The following FOCAD variants were observed in gnomAD, a reference collection of about 807,000 sequenced individuals.
FOCAD encodes the protein KIAA1797.
In FOCAD, 198 loss-of-function variants were observed where a neutral mutation model predicts 225.6. The ratio of observed to expected loss-of-function variants is 0.88; its 90% CI spans 0.78 to 0.99. FOCAD has a LOEUF of 0.99. Among genes scored for constraint, FOCAD ranks in the 50% least tolerant of loss-of-function variants. The pLI, the probability that FOCAD is intolerant of heterozygous loss-of-function variation, is 0.00. For missense variants in FOCAD, 2,713 were observed against 2,123.6 expected (o/e 1.28, Z -5.46); for synonymous variants, 897 against 755.0 (o/e 1.19, Z -3.08).
At chr9:20,697,149 A>G (rs1563885683) in intron 1 of FOCAD, among the ~76,000 whole-genome samples, 1 of 152,236 alleles carries the variant, frequency 6.6e-6, no homozygotes, top group Non-Finnish European at 1.5e-5. Flanking sequence ...CTGGAAAAAA[A>G]TAAACATGTC....
intron 5 of FOCAD, among the ~76,000 whole-genome samples, chr9:20,744,438 T>C (rs2131690287): frequency 6.6e-6 from 1 of 152,318 alleles, no homozygotes; most frequent in South Asian, 2.1e-4. Context: ...TAAACAAGAT[T>C]AGGCATAGAT....
chr9:20,833,605 G>A (rs1050980211), intron 15 of FOCAD, among the ~76,000 whole-genome samples: 6 of 151,962 alleles, frequency 3.9e-5, no homozygotes, highest in Non-Finnish European at 8.8e-5. Context: ...ACTTCTCTAG[G>A]CTTATAGATT....
chr9:20,771,182 G>A (rs975416412), intron 8 of FOCAD, among the ~76,000 whole-genome samples: 1 of 152,138 alleles, frequency 6.6e-6, no homozygotes, highest in Non-Finnish European at 1.5e-5. Context: ...GTCAGGCTTG[G>A]CTTATTCAAA....
chr9:20,982,151 CCAAAA>C (rs986178140), intron 38 of FOCAD, among the ~76,000 whole-genome samples: 2 of 151,722 alleles, frequency 1.3e-5, no homozygotes, highest in African/African-American at 2.4e-5. Flanking sequence ...AAATGTATAG[CCAAAA>C]CAAAACAAAA....
intron 17 of FOCAD, among the ~76,000 whole-genome samples, chr9:20,866,247 A>T (rs888587655): frequency 2.7e-5 from 4 of 146,298 alleles, no homozygotes; most frequent in Non-Finnish European, 6.2e-5. Flanking sequence ...ATATTTTTAT[A>T]TGGTCTTTCC....
chr9:20,714,182 A>G (rs1188933213), intron 1 of FOCAD, among the ~76,000 whole-genome samples: 1 of 152,160 alleles, frequency 6.6e-6, no homozygotes, highest in Non-Finnish European at 1.5e-5. Flanking sequence ...TATACTTTAA[A>G]CCGGTTGAAA....
chr9:20,946,626 A>C lies in FOCAD; in HGVS notation c.3556-75A>C, dbSNP rs1488342088. On this transcript the variant is annotated intron_variant, in intron 29 of 43. Coordinates refer to ENST00000338382, the MANE Select transcript of FOCAD (RefSeq NM_001375567.1). ...TTACTCTGGGGGGGAGTTTGACAGA[A>C]TATCTTGTCAACTAAACCGAGTTCT... 3 of 1,510,014 alleles carry C rather than the reference A, an allele frequency of 2.0e-6. No homozygotes were observed. The African/African-American group carries it at 4.2e-5, about 21-fold the overall frequency. The allele number at this position is 1,510,014 out of a possible 1,614,324, so 93.5% of individuals were successfully genotyped here.
At chr9:20,887,340 T>A (rs1292610874) in intron 21 of FOCAD, among the ~76,000 whole-genome samples, 1 of 152,100 alleles carries the variant, frequency 6.6e-6, no homozygotes, top group Non-Finnish European at 1.5e-5. Context: ...GTTCAAGGGA[T>A]TCTCCTGCCT....
chr9:20,981,814 C>A, intron 38 of FOCAD, 128 bp downstream of exon 38: 1 of 1,004,502 alleles, frequency 1.0e-6, no homozygotes, highest in Non-Finnish European at 1.5e-6. Flanking sequence ...TAACCACATT[C>A]TTTACTAGGA....
rs144256515 is a variant in FOCAD at position 20,876,667 on chromosome 9, G to A, written c.2317+1860G>A. ...GCTATGTTGGCAAACTGTCACCATGGACATTTTTTCGTTGATTATTAGAGA... is the reference window on the plus strand; with the variant it reads ...GCTATGTTGGCAAACTGTCACCATGAACATTTTTTCGTTGATTATTAGAGA... On this transcript the variant is annotated intron_variant, in intron 19 of 43. Coordinates refer to ENST00000338382, the MANE Select transcript of FOCAD (RefSeq NM_001375567.1). 2.3e-4 allele frequency among the ~76,000 whole-genome samples: 35 copies of A among 152,256 alleles called. No homozygotes were observed. The East Asian group carries it at 6.8e-3, about 29-fold the overall frequency.
chr9:20,977,709 C>T (rs1258949133), intron 36 of FOCAD, among the ~76,000 whole-genome samples: 2 of 152,196 alleles, frequency 1.3e-5, no homozygotes, highest in Non-Finnish European at 2.9e-5. Context: ...ATTTTGACTA[C>T]ATACAATTTT....
chr9:20,818,099 C>G (rs1823923196), intron 11 of FOCAD, among the ~76,000 whole-genome samples: 1 of 152,126 alleles, frequency 6.6e-6, no homozygotes, highest in South Asian at 2.1e-4. Flanking sequence ...AAGGTGGTAT[C>G]TCATGGTTTT....
At chr9:20,909,199 C>T (rs922740661) in intron 22 of FOCAD, among the ~76,000 whole-genome samples, 2 of 151,876 alleles carry the variant, frequency 1.3e-5, no homozygotes, top group Non-Finnish European at 2.9e-5. Flanking sequence ...AGTGTGTGTC[C>T]AGTACTTAAC....
intron 10 of FOCAD, among the ~76,000 whole-genome samples, chr9:20,788,182 G>C (rs558689036): frequency 6.6e-6 from 1 of 152,180 alleles, no homozygotes; most frequent in Middle Eastern, 3.2e-3. Context: ...GATGAACCTT[G>C]AAATCATGCT....
chr9:20,721,898 C>T, intron 4 of FOCAD, among the ~76,000 whole-genome samples: 1 of 75,916 alleles, frequency 1.3e-5, no homozygotes, highest in Non-Finnish European at 2.6e-5. Context: ...CCTCCCCCTC[C>T]CCTCCCTTTC....
At chr9:20,961,031 G>C (rs979717415) in intron 35 of FOCAD, among the ~76,000 whole-genome samples, 3 of 152,048 alleles carry the variant, frequency 2.0e-5, no homozygotes, top group Non-Finnish European at 2.9e-5. Context: ...CTTTGCTATT[G>C]TGAATAGTGC....
intron 21 of FOCAD, among the ~76,000 whole-genome samples, chr9:20,904,053 A>G (rs758887420): frequency 2.6e-5 from 4 of 151,916 alleles, no homozygotes; most frequent in Non-Finnish European, 5.9e-5. Flanking sequence ...ACTTTGGCAT[A>G]ATGTTTTCAA....
chr9:20,948,915 G>A lies in FOCAD; in HGVS notation c.3863G>A (p.Gly1288Glu), dbSNP rs953718788. Residue 1288 changes from glycine (G) to glutamate (E), a missense_variant, in exon 32 of 44, where the codon GGG (glycine) becomes GAG (glutamate). Transcript: ENST00000338382. ...ATGGTGGCCTTGGTAGGCTCTGAAG[G>A]GGATGTAATGCAGGTAAAGAAAGGA... ...HGMVALVGSE[G>E]DVMQLKSEAI... 3.1e-6 allele frequency: 5 copies of A among 1,613,352 alleles called. No individual in the cohort carries two copies. Among genetic ancestry groups the A allele is most frequent in the Non-Finnish European group, 2.5e-6 (3 of 1,179,504 alleles).
intron 28 of FOCAD, among the ~76,000 whole-genome samples, chr9:20,943,775 G>GA (rs1180758645): frequency 2.0e-5 from 3 of 152,064 alleles, no homozygotes; most frequent in Non-Finnish European, 4.4e-5. Flanking sequence ...GGTGATTTCT[G>GA]AAAAAACATT....
Sources: gnomAD v4.1 joint callset for allele counts (sites outside exome capture counted in the v4.1 genomes callset) on GRCh38, gnomAD v4.1.1 for gene constraint, MANE v1.5 for transcripts, NCBI Gene and HGNC (gene_info 2026-07-23, HGNC 2026-07-21) for gene names.